The following GNAQ variants were observed in gnomAD, a reference collection of about 807,000 sequenced individuals.
GNAQ encodes G protein subunit alpha q.
In GNAQ, 8 loss-of-function variants were observed where a neutral mutation model predicts 43.9. The ratio of observed to expected loss-of-function variants is 0.18; its 90% CI spans 0.11 to 0.33. The LOEUF (loss-of-function observed/expected upper bound fraction) is 0.33, where lower values mean the gene tolerates loss of function less well. GNAQ is among the 10% of genes least tolerant of loss of function. GNAQ has a pLI of 1.00. For missense variants in GNAQ, 158 were observed against 450.8 expected, an observed-to-expected ratio of 0.35 and a Z score of 5.88; for synonymous variants, 155 against 170.7, an observed-to-expected ratio of 0.91 and a Z score of 0.71.
chr9:77,849,235 T>C (rs1393281949), intron 2 of GNAQ, among the ~76,000 whole-genome samples: 1 of 152,128 alleles, frequency 6.6e-6, no homozygotes, highest in Non-Finnish European at 1.5e-5. Context: ...GAAAGCAACA[T>C]AACATCTCAC....
chr9:78,000,852 G>A (rs1328543), intron 1 of GNAQ, among the ~76,000 whole-genome samples: 31,936 of 152,034 alleles, frequency 0.21, 3,560 homozygotes, highest in South Asian at 0.37. Context: ...AGAAAAAAAT[G>A]TTTAAAAGTA....
rs1338134932 is a variant in GNAQ at position 77,760,359 on chromosome 9, G to A, written c.736-31692C>T. 5.9e-5 allele frequency among the ~76,000 whole-genome samples: 9 copies of A among 152,172 alleles called. No homozygotes were observed. The East Asian group carries it at 9.7e-4, about 16-fold the overall frequency. On this transcript the variant is annotated intron_variant, in intron 5 of 6. Transcript: ENST00000286548. ...GTGCCTGCGAGTGCAGGCGCGCGCCGCCACGCCTGACTGGTTTTCGTATTT... is the reference window on the plus strand; with the variant it reads ...GTGCCTGCGAGTGCAGGCGCGCGCCACCACGCCTGACTGGTTTTCGTATTT...
At chr9:77,900,687 C>CTGGCT (rs1343407663) in intron 2 of GNAQ, among the ~76,000 whole-genome samples, 1 of 152,160 alleles carries the variant, frequency 6.6e-6, no homozygotes, top group East Asian at 1.9e-4. Flanking sequence ...GCTACCACAC[C>CTGGCT]TGGCTTCTCC....
rs1223111439 is a variant in GNAQ, at chr9:78,031,261, C to T, written c.-26G>A. ...TCTTCCAAAGTGCCTCCGCTGCAGCCCCGCCGGCACCCCCTGCTCACAGCG... is the reference window on the plus strand; with the variant it reads ...TCTTCCAAAGTGCCTCCGCTGCAGCTCCGCCGGCACCCCCTGCTCACAGCG... On this transcript the variant is annotated 5_prime_UTR_variant, in exon 1 of 7. Transcript: ENST00000286548. 5.4e-6 allele frequency: 8 copies of T among 1,469,978 alleles called. No individual in the cohort carries two copies. Among genetic ancestry groups the T allele is most frequent in the Non-Finnish European group, 7.3e-6 (8 of 1,097,742 alleles). The allele number at this position is 1,469,978 out of a possible 1,614,324, so 91.1% of individuals were successfully genotyped here. A position where few individuals can be genotyped will look rare whatever the true frequency, so the allele number is the denominator to read the frequency against.
intron 2 of GNAQ, among the ~76,000 whole-genome samples, chr9:77,838,945 A>G (rs564144132): frequency 1.3e-3 from 199 of 152,260 alleles, no homozygotes; most frequent in African/African-American, 4.3e-3. Context: ...TACTGTAAAA[A>G]AACTCCCAAA....
intron 1 of GNAQ, among the ~76,000 whole-genome samples, chr9:77,942,980 C>G (rs1197705226): frequency 6.6e-6 from 1 of 152,122 alleles, no homozygotes; most frequent in East Asian, 1.9e-4. Context: ...AGTGAATTTA[C>G]CTTTCTGGTT....
intron 2 of GNAQ, among the ~76,000 whole-genome samples, chr9:77,826,451 T>A (rs1211139217): frequency 6.6e-6 from 1 of 152,208 alleles, no homozygotes; most frequent in Non-Finnish European, 1.5e-5. Context: ...GCACCTGGGA[T>A]CTTCTGATGT....
intron 1 of GNAQ, among the ~76,000 whole-genome samples, chr9:77,940,618 C>T (rs1026887274): frequency 2.0e-5 from 3 of 152,052 alleles, no homozygotes; most frequent in African/African-American, 7.2e-5. Flanking sequence ...GAATCTAACA[C>T]ATTGGGAGAA....
intron 2 of GNAQ, among the ~76,000 whole-genome samples, chr9:77,816,938 C>T (rs958013526): frequency 2.6e-5 from 4 of 152,196 alleles, no homozygotes; most frequent in African/African-American, 7.2e-5. Flanking sequence ...AAGCTCAACA[C>T]ACTAAGACTG....
chr9:77,923,826 G>T (rs948100462), intron 1 of GNAQ, among the ~76,000 whole-genome samples: 6 of 152,058 alleles, frequency 3.9e-5, no homozygotes, highest in Non-Finnish European at 7.4e-5. Flanking sequence ...AAGGAAGAGA[G>T]GGAGGGAAGG....
At chr9:77,849,620 CCA>C (rs1827641907) in intron 2 of GNAQ, among the ~76,000 whole-genome samples, 1 of 152,184 alleles carries the variant, frequency 6.6e-6, no homozygotes, top group Non-Finnish European at 1.5e-5. Context: ...TCCACCTCCA[CCA>C]CAGTTCCACA....
chr9:78,031,753 C>T lies in GNAQ; in HGVS notation c.-518G>A, dbSNP rs1268181462. Among the ~76,000 whole-genome samples the T allele has an allele frequency of 6.8e-6, 1 of 147,852 alleles. No homozygotes were observed. The highest frequency in any genetic ancestry group is 1.5e-5 in the Non-Finnish European group (1 of 66,492). On this transcript the variant is annotated 5_prime_UTR_variant, in exon 1 of 7. Transcript: ENST00000286548. ...GACACGGCTCCCGGGCGCCCTCGGC[C>T]CTGTCCGCGCCCACCGCCCGGCTCG...
intron 2 of GNAQ, among the ~76,000 whole-genome samples, chr9:77,905,131 G>A (rs1217911322): frequency 6.6e-6 from 1 of 152,092 alleles, no homozygotes; most frequent in Non-Finnish European, 1.5e-5. Flanking sequence ...TGTTAAGAAA[G>A]GCAAATCCAG....
At chr9:77,737,098 C>T (rs1373907935) in intron 5 of GNAQ, among the ~76,000 whole-genome samples, 1 of 152,158 alleles carries the variant, frequency 6.6e-6, no homozygotes, top group African/African-American at 2.4e-5. Context: ...AGGTATTTAA[C>T]GGTTTGTGTA....
intron 2 of GNAQ, among the ~76,000 whole-genome samples, chr9:77,891,601 G>A (rs914949238): frequency 9.9e-5 from 15 of 152,132 alleles, no homozygotes; most frequent in African/African-American, 3.6e-4. Context: ...CCCAGCCTGA[G>A]GGCCCTGCCT....
At chr9:77,868,473 G>A (rs1827982747) in intron 2 of GNAQ, among the ~76,000 whole-genome samples, 1 of 152,182 alleles carries the variant, frequency 6.6e-6, no homozygotes, top group Non-Finnish European at 1.5e-5. Flanking sequence ...CCCAAAATCA[G>A]CTTTAAATAT....
chr9:77,938,776 C>T (rs1222837355), intron 1 of GNAQ, among the ~76,000 whole-genome samples: 3 of 152,162 alleles, frequency 2.0e-5, no homozygotes, highest in Admixed American at 6.5e-5. Context: ...CGTTGTCAAA[C>T]GCATTTTCAG....
intron 1 of GNAQ, among the ~76,000 whole-genome samples, chr9:77,929,444 GA>G (rs1258309706): frequency 6.6e-6 from 1 of 152,128 alleles, no homozygotes; most frequent in African/African-American, 2.4e-5. Flanking sequence ...ATTTGTTATA[GA>G]AAATTATTTT....
intron 1 of GNAQ, among the ~76,000 whole-genome samples, chr9:77,966,386 A>T (rs1234831231): frequency 6.6e-6 from 1 of 152,218 alleles, no homozygotes; most frequent in East Asian, 1.9e-4. Flanking sequence ...AGACAATGTA[A>T]ATTCTATTTT....
Sources: gnomAD v4.1 joint callset for allele counts (sites outside exome capture counted in the v4.1 genomes callset) on GRCh38, gnomAD v4.1.1 for gene constraint, MANE v1.5 for transcripts, NCBI Gene and HGNC (gene_info 2026-07-23, HGNC 2026-07-21) for gene names.